THOC2: variants seen among roughly 807,000 people sequenced by gnomAD.
THOC2 encodes THO complex 2.
A neutral mutation model predicts 128.4 loss-of-function variants in THOC2; 10 were observed. The observed-to-expected ratio is 0.08, with a 90% CI of 0.05 to 0.13. The LOEUF (loss-of-function observed/expected upper bound fraction) is 0.13, where lower values mean the gene tolerates loss of function less well. Among genes scored for constraint, THOC2 ranks in the 10% least tolerant of loss-of-function variants. THOC2 has a pLI of 1.00. For synonymous variants in THOC2, 393 were observed against 396.9 expected (o/e 0.99, Z 0.12); for missense variants, 535 against 1,155.7 (o/e 0.46, Z 7.79).
chrX:123,668,541 C>G (rs2049136620), intron 9 of THOC2, among the ~76,000 whole-genome samples: 1 of 112,286 alleles, frequency 8.9e-6, no homozygotes, highest in Admixed American at 9.5e-5. Context: ...AGTTTCACAT[C>G]TTCTGTCTGA....
chrX:123,621,467 T>A lies in THOC2; in HGVS notation c.3906A>T (p.Lys1302Asn), dbSNP rs1418912822. Residue 1302 changes from lysine to asparagine, a missense_variant, in exon 31 of 39, where the codon AAA becomes AAT. By Grantham distance (94) the Lys-to-Asn change is moderately conservative. Coordinates refer to ENST00000245838, the MANE Select transcript of THOC2 (RefSeq NM_001081550.2). ...CTTTATTTGGCCGCTCTTCCTTTGG[T>A]TTTTCTTTACCATCTTTACCAAGTA... ...ARVLGKDGKE[K>N]PKEERPNKDE... is the part of the protein sequence containing the mutation. 1 of 1,209,039 alleles carries A rather than the reference T, an allele frequency of 8.3e-7. No homozygotes were observed. Among genetic ancestry groups the A allele is most frequent in the Non-Finnish European group, 1.1e-6 (1 of 895,064 alleles).
intron 15 of THOC2, among the ~76,000 whole-genome samples, chrX:123,641,792 A>G (rs1275979359): frequency 8.9e-6 from 1 of 112,064 alleles, no homozygotes; most frequent in African/African-American, 3.2e-5. Flanking sequence ...CATAATAAAC[A>G]TTTGTAGAAA....
chrX:123,654,394 T>TA (rs1440937408), intron 12 of THOC2, among the ~76,000 whole-genome samples: 2 of 108,157 alleles, frequency 1.8e-5, no homozygotes, highest in African/African-American at 3.4e-5. Context: ...TCCCAGAACT[T>TA]AAAGTATAAT....
At position 123,631,740 on chromosome X, in the gene THOC2, G is replaced by A; in HGVS notation, c.2429C>T (p.Pro810Leu). Residue 810 changes from proline to leucine, a missense_variant, in exon 22 of 39, where the codon CCC becomes CTC. Pro to Leu is a moderately conservative substitution (Grantham distance 98). Around this residue, in one of 9 missense-constraint regions of THOC2, gnomAD observed 90 missense variants for 298.6 expected, o/e 0.30. Transcript: ENST00000245838. ...AGACAGGAAAAATGCTGCATCATGG[G>A]GTGTATGAAATTCATTACAGAGTAC... is the stretch of plus-strand genomic sequence containing the variant. ...IDVLCNEFHT[P>L]HDAAFFLSRP... The A allele has an allele frequency of 8.3e-7, 1 of 1,209,711 alleles. No homozygotes were observed. Among genetic ancestry groups the A allele is most frequent in the Non-Finnish European group, 1.1e-6 (1 of 893,995 alleles).
chrX:123,655,732 T>C (rs2048542716), intron 12 of THOC2, among the ~76,000 whole-genome samples: 2 of 110,981 alleles, frequency 1.8e-5, no homozygotes, highest in Non-Finnish European at 1.9e-5. Flanking sequence ...GCCTGCCTAA[T>C]TTCAGGTTTT....
chrX:123,675,165 A>G (rs1049237542), intron 8 of THOC2, among the ~76,000 whole-genome samples: 3 of 111,896 alleles, frequency 2.7e-5, no homozygotes, highest in Admixed American at 9.5e-5. Flanking sequence ...TACCTGCTCA[A>G]TTCTACTGTT....
rs371035782 is a variant in THOC2, at chrX:123,686,632, A to G, written c.684T>C (p.Phe228=). Residue 228 remains phenylalanine (F), a synonymous_variant, in exon 8 of 39, where the codon TTT becomes TTC. Coordinates refer to ENST00000245838, the MANE Select transcript of THOC2 (RefSeq NM_001081550.2). The part of the protein sequence containing the change: ...FECRPEHDDF[F]ISLLESYMSM... ...TCATGTAAGATTCTAACAAAGATAT[A>G]AAGAAGTCATCGTGTTCTGGCCTGC... 200 of 1,206,243 alleles carry G rather than the reference A, an allele frequency of 1.7e-4. No individual in the cohort carries two copies. The highest frequency in any genetic ancestry group is 2.1e-4 in the Non-Finnish European group (186 of 892,473).
intron 7 of THOC2, among the ~76,000 whole-genome samples, chrX:123,686,934 A>C (rs766782899): frequency 2.7e-5 from 3 of 112,213 alleles, no homozygotes; most frequent in Non-Finnish European, 5.6e-5. Flanking sequence ...GGTTAATGAC[A>C]GAGCTGGGTC....
intron 12 of THOC2, among the ~76,000 whole-genome samples, chrX:123,657,437 TAAAC>T (rs757710940): frequency 3.4e-4 from 37 of 109,440 alleles, no homozygotes; most frequent in Admixed American, 7.8e-4. Flanking sequence ...AATAAATAAA[TAAAC>T]AAATAAATAA....
Position 123,671,694 on chromosome X carries a change from A to G in THOC2, c.836T>C (p.Ile279Thr). ...ATGTACATAAAGATCATCTAAATCAATAAGATTAAATTGTAGAAGTACTGC... is the reference window on the plus strand; with the variant it reads ...ATGTACATAAAGATCATCTAAATCAGTAAGATTAAATTGTAGAAGTACTGC... ...VAAVLLQFNL[I>T]DLDDLYVHLL... is the part of the protein sequence containing the mutation. Residue 279 changes from isoleucine to threonine, a missense_variant, in exon 9 of 39, where the codon ATT becomes ACT. Coordinates refer to ENST00000245838, the MANE Select transcript of THOC2 (RefSeq NM_001081550.2). The G allele has an allele frequency of 2.6e-6, 3 of 1,172,747 alleles. No individual in the cohort carries two copies. The highest frequency in any genetic ancestry group is 3.0e-5 in the East Asian group (1 of 33,177).
At chrX:123,690,939 T>C (rs1316530848) in intron 7 of THOC2, among the ~76,000 whole-genome samples, 1 of 112,122 alleles carries the variant, frequency 8.9e-6, no homozygotes, top group Non-Finnish European at 1.9e-5. Context: ...AGGCCAGGCA[T>C]GGTGGCTCAC....
intron 32 of THOC2, chrX:123,620,642 G>C: frequency 3.5e-6 from 1 of 288,656 alleles, no homozygotes; most frequent in Non-Finnish European, 6.0e-6. Flanking sequence ...AAGCAGTTGA[G>C]GCACTTCTGG....
intron 2 of THOC2, among the ~76,000 whole-genome samples, chrX:123,710,171 G>A (rs2051123019): frequency 8.9e-6 from 1 of 112,057 alleles, no homozygotes; most frequent in South Asian, 3.7e-4. Context: ...CAGCCAAGGA[G>A]TATATGTGTT....
intron 31 of THOC2, 80 bp downstream of exon 31, chrX:123,621,077 C>T: frequency 8.5e-7 from 1 of 1,175,497 alleles, no homozygotes; most frequent in Middle Eastern, 2.4e-4. Context: ...CCCTATATAA[C>T]TTACCAAAAC....
chrX:123,683,851 C>T (rs1436575535), intron 8 of THOC2, among the ~76,000 whole-genome samples: 1 of 110,983 alleles, frequency 9.0e-6, no homozygotes, highest in Non-Finnish European at 1.9e-5. Flanking sequence ...CCACCTGCCT[C>T]GCCCTCCAAA....
intron 10 of THOC2, 150 bp from the exon 11 acceptor site, chrX:123,667,428 A>C (rs2049091593): frequency 2.3e-6 from 1 of 427,225 alleles, no homozygotes; most frequent in Non-Finnish European, 3.9e-6. Context: ...AAGTACAATC[A>C]AAATTTTTAG....
intron 4 of THOC2, among the ~76,000 whole-genome samples, chrX:123,701,162 G>A (rs961426453): frequency 9.0e-6 from 1 of 111,500 alleles, no homozygotes; most frequent in African/African-American, 3.3e-5. Flanking sequence ...AGACCTACCT[G>A]GCCAACATGG....
At chrX:123,690,073 A>AAACC (rs2050159665) in intron 7 of THOC2, among the ~76,000 whole-genome samples, 1 of 111,494 alleles carries the variant, frequency 9.0e-6, no homozygotes, top group Non-Finnish European at 1.9e-5. Flanking sequence ...CCTTTTGAGG[A>AAACC]ACAAACAAGA....
chrX:123,667,305 T>C, intron 10 of THOC2, 27 bp from the exon 11 acceptor site: 1 of 1,103,131 alleles, frequency 9.1e-7, no homozygotes, highest in African/African-American at 1.8e-5. Context: ...AAAACTAAGA[T>C]ACTCAGGATA....
Sources: allele counts gnomAD v4.1 joint callset (sites outside exome capture counted in the v4.1 genomes callset), GRCh38; gene constraint gnomAD v4.1.1; regional missense constraint gnomAD v4.1.1; transcripts MANE v1.5; gene names NCBI Gene and HGNC (gene_info 2026-07-23, HGNC 2026-07-21).